AKT3: variants seen among roughly 807,000 people sequenced by gnomAD.
AKT3 encodes the protein AKT serine/threonine kinase 3, also known as RAC-gamma serine/threonine-protein kinase.
AKT3 carries 15 observed loss-of-function variants against 65.3 expected under a neutral mutation model. That is an observed-to-expected ratio of 0.23 (90% CI 0.15 to 0.35). The LOEUF is 0.35. Among genes scored for constraint, AKT3 ranks in the 10% least tolerant of loss-of-function variants. AKT3 has a pLI of 1.00. For synonymous variants in AKT3, 206 were observed against 183.8 expected (o/e 1.12, Z -0.98); for missense variants, 243 against 576.5 (o/e 0.42, Z 5.92).
chr1:243,510,595 G>A (rs952029427), intron 13 of AKT3, among the ~76,000 whole-genome samples: 1 of 152,168 alleles, frequency 6.6e-6, no homozygotes, highest in Non-Finnish European at 1.5e-5. Context: ...AGCATTCCAG[G>A]CCTGGACACC....
At position 243,573,050 on chromosome 1, in the gene AKT3, T is replaced by C. The variant is rs1429772203; in HGVS notation, c.697-2A>G. The C allele has an allele frequency of 6.2e-7, 1 of 1,612,806 alleles. No homozygotes were observed. Among genetic ancestry groups the C allele is most frequent in the Admixed American group, 1.7e-5 (1 of 59,694 alleles). On this transcript the variant is annotated splice_acceptor_variant, in intron 8 of 13. Coordinates refer to ENST00000673466, the MANE Select transcript of AKT3 (RefSeq NM_005465.7). LOFTEE classifies it high-confidence loss of function. ...CTCTCTCGACAAATGGAAAAACAGC[T>C]GCAGGGTAAACAGCAGGGACAGGAT...
intron 2 of AKT3, among the ~76,000 whole-genome samples, chr1:243,777,396 T>C (rs941910037): frequency 6.6e-6 from 1 of 152,244 alleles, no homozygotes; most frequent in Non-Finnish European, 1.5e-5. Context: ...GGACTGGTAC[T>C]GGTCCACAGC....
chr1:243,807,020 T>C (rs1692770944), intron 2 of AKT3, among the ~76,000 whole-genome samples: 1 of 152,154 alleles, frequency 6.6e-6, no homozygotes, highest in South Asian at 2.1e-4. Context: ...GGAACAATCA[T>C]CCCACAGATT....
intron 2 of AKT3, among the ~76,000 whole-genome samples, chr1:243,823,225 A>C (rs757033607): frequency 1.3e-5 from 2 of 152,228 alleles, no homozygotes; most frequent in African/African-American, 4.8e-5. Flanking sequence ...ATAAAATTCA[A>C]CATCCCTTAA....
chr1:243,773,033 G>A (rs1471751240), intron 2 of AKT3, among the ~76,000 whole-genome samples: 2 of 110,654 alleles, frequency 1.8e-5, no homozygotes, highest in Non-Finnish European at 3.4e-5. Context: ...ACCAGGGGCT[G>A]TTGTGGGGTG....
At chr1:243,733,648 A>G (rs764756689) in intron 2 of AKT3, among the ~76,000 whole-genome samples, 1 of 152,242 alleles carries the variant, frequency 6.6e-6, no homozygotes, top group Non-Finnish European at 1.5e-5. Context: ...ACAGACCTCT[A>G]CAATAAATAT....
chr1:243,810,576 C>T (rs1693070298), intron 2 of AKT3, among the ~76,000 whole-genome samples: 1 of 152,176 alleles, frequency 6.6e-6, no homozygotes, highest in Admixed American at 6.5e-5. Flanking sequence ...GACGGATTCA[C>T]AGCCGAATTC....
At chr1:243,716,821 T>G (rs1686540550) in intron 2 of AKT3, among the ~76,000 whole-genome samples, 1 of 152,228 alleles carries the variant, frequency 6.6e-6, no homozygotes, top group Admixed American at 6.5e-5. Flanking sequence ...TCTTTAACCT[T>G]AGTGCTCTAT....
chr1:243,772,306 T>G (rs1472479470), intron 2 of AKT3, among the ~76,000 whole-genome samples: 2 of 152,056 alleles, frequency 1.3e-5, no homozygotes, highest in African/African-American at 4.8e-5. Context: ...AAAGGGCTAA[T>G]ATCCAGAATC....
rs1222912203 is a variant in AKT3, at chr1:243,500,476, T to TTAGAG, written c.*4768_*4772dup. On this transcript the variant is annotated 3_prime_UTR_variant, in exon 14 of 14. Transcript: ENST00000673466. ...TACTTAGTGAAATTAGAAAATTTAC[T>TTAGAG]TAGAGTATATCAAATATCTGTACAC... The TTAGAG allele has an allele frequency of 8.8e-5, 20 of 226,166 alleles. No individual in the cohort carries two copies. Among genetic ancestry groups the TTAGAG allele is most frequent in the South Asian group, 1.8e-4 (1 of 5,476 alleles). The allele number at this position is 226,166 out of a possible 1,614,324, so 14.0% of individuals were successfully genotyped here.
At chr1:243,808,755 G>C (rs1379548460) in intron 2 of AKT3, among the ~76,000 whole-genome samples, 1 of 152,086 alleles carries the variant, frequency 6.6e-6, no homozygotes, top group Non-Finnish European at 1.5e-5. Context: ...GAAATGAAGG[G>C]AAAAATGTTA....
At chr1:243,771,307 TC>T (rs1690171495) in intron 2 of AKT3, among the ~76,000 whole-genome samples, 1 of 152,116 alleles carries the variant, frequency 6.6e-6, no homozygotes, top group East Asian at 1.9e-4. Flanking sequence ...CATGTTTGCC[TC>T]CCTCCTAAAC....
intron 9 of AKT3, among the ~76,000 whole-genome samples, chr1:243,570,215 T>G (rs563197544): frequency 1.8e-4 from 28 of 152,348 alleles, no homozygotes; most frequent in African/African-American, 6.3e-4. Flanking sequence ...GGGTATGGAT[T>G]TACTTGAGAA....
At chr1:243,759,476 T>C (rs1036307915) in intron 2 of AKT3, among the ~76,000 whole-genome samples, 8 of 152,000 alleles carry the variant, frequency 5.3e-5, no homozygotes, top group African/African-American at 1.4e-4. Context: ...GAAAGCTAAA[T>C]TACTAAATCA....
chr1:243,606,452 A>G (rs1025108200), intron 8 of AKT3, among the ~76,000 whole-genome samples: 2 of 152,242 alleles, frequency 1.3e-5, no homozygotes, highest in Non-Finnish European at 2.9e-5. Context: ...ATGCTTTACC[A>G]AAGAGAATGG....
chr1:243,801,463 G>A (rs900729225), intron 2 of AKT3, among the ~76,000 whole-genome samples: 6 of 152,082 alleles, frequency 3.9e-5, no homozygotes, highest in African/African-American at 1.4e-4. Context: ...TTTTAAAGAC[G>A]GTAATAAAAA....
intron 2 of AKT3, among the ~76,000 whole-genome samples, chr1:243,749,593 A>G (rs1165908797): frequency 1.3e-5 from 2 of 152,128 alleles, no homozygotes; most frequent in African/African-American, 4.8e-5. Flanking sequence ...CTTTACTGTC[A>G]TCTAAGATTT....
chr1:243,837,230 G>GA (rs1219122539), intron 2 of AKT3, among the ~76,000 whole-genome samples: 1 of 152,044 alleles, frequency 6.6e-6, no homozygotes, highest in Non-Finnish European at 1.5e-5. Flanking sequence ...CATCTTGGAT[G>GA]AAAAGGAAAT....
chr1:243,695,894 T>TA lies in AKT3; in HGVS notation c.47-179dup, dbSNP rs541257073. 2.1e-3 allele frequency among the ~76,000 whole-genome samples: 322 copies of TA among 152,134 alleles called. 3 individuals are homozygous for TA. Among genetic ancestry groups the TA allele is most frequent in the Non-Finnish European group, 3.5e-4 (24 of 67,870 alleles). On this transcript the variant is annotated intron_variant, in intron 2 of 13. Coordinates refer to ENST00000673466, the MANE Select transcript of AKT3 (RefSeq NM_005465.7). ...ACATAAGCCTACAATTAAGATTCAA[T>TA]AAAAACCCAAACATGTTTTGTTTTT... is the stretch of plus-strand genomic sequence containing the variant.
Sources: allele counts gnomAD v4.1 joint callset (sites outside exome capture counted in the v4.1 genomes callset), GRCh38; gene constraint gnomAD v4.1.1; transcripts MANE v1.5; gene names NCBI Gene and HGNC (gene_info 2026-07-23, HGNC 2026-07-21).